The following PCDHA3 variants were observed in gnomAD, a reference collection of about 807,000 sequenced individuals.
PCDHA3 encodes the protein protocadherin alpha-3.
In PCDHA3, 41 loss-of-function variants were observed where a neutral mutation model predicts 62.2. The ratio of observed to expected loss-of-function variants is 0.66; its 90% CI spans 0.51 to 0.86. The LOEUF is 0.86. PCDHA3 is among the 40% of genes least tolerant of loss of function. PCDHA3 has a pLI of 0.00. For missense variants in PCDHA3, 1,304 were observed against 1,241.2 expected (o/e 1.05, Z -0.76); for synonymous variants, 640 against 555.4 (o/e 1.15, Z -2.14).
chr5:140,886,827 G>GAAAAAAAAA, intron 1 of PCDHA3, among the ~76,000 whole-genome samples: 1 of 60,890 alleles, frequency 1.6e-5, no homozygotes, highest in Non-Finnish European at 3.3e-5. Flanking sequence ...ACTTCGTCTT[G>GAAAAAAAAA]AAAAAAAAAA....
rs1554122598 is a variant in PCDHA3 at position 140,803,153 on chromosome 5, G to A, written c.1956G>A (p.Lys652=). 2 of 1,613,878 alleles carry A rather than the reference G, an allele frequency of 1.2e-6. No homozygotes were observed. Among genetic ancestry groups the A allele is most frequent in the East Asian group, 2.2e-5 (1 of 44,880 alleles). Residue 652 remains lysine (K), a synonymous_variant, in exon 1 of 4, where the codon AAG becomes AAA. Transcript: ENST00000522353. ...APRHRLLVLV[K]DHGEPSLTAT... ...GCCATCGCCTACTGGTGCTGGTGAA[G>A]GACCACGGTGAACCCTCATTGACCG...
chr5:140,874,141 T>C (rs1554167053), intron 1 of PCDHA3, among the ~76,000 whole-genome samples: 1 of 152,248 alleles, frequency 6.6e-6, no homozygotes, highest in South Asian at 2.1e-4. Context: ...TATCTTATAC[T>C]TGTAGAGCCA....
intron 1 of PCDHA3, chr5:140,827,893 C>G: frequency 1.4e-6 from 1 of 729,632 alleles, no homozygotes; most frequent in African/African-American, 1.8e-5. Context: ...GATTTCTTAC[C>G]TTTTGGAGCC....
intron 1 of PCDHA3, chr5:140,828,707 C>T: frequency 6.2e-7 from 1 of 1,614,222 alleles, no homozygotes; most frequent in South Asian, 1.1e-5. Context: ...AGAGGAAGCT[C>T]CTGCACACAA....
At chr5:140,935,894 CTTT>C (rs55841305) in intron 1 of PCDHA3, among the ~76,000 whole-genome samples, 2 of 136,728 alleles carry the variant, frequency 1.5e-5, no homozygotes, top group African/African-American at 2.7e-5. Context: ...TCAATATTAT[CTTT>C]TTTTTTTTTT....
intron 1 of PCDHA3, among the ~76,000 whole-genome samples, chr5:140,912,714 C>T (rs1312540155): frequency 6.6e-6 from 1 of 152,088 alleles, no homozygotes; most frequent in African/African-American, 2.4e-5. Context: ...CAACTTTTCT[C>T]CATTCAATAT....
At chr5:140,859,573 C>T (rs1254151950) in intron 1 of PCDHA3, 4 of 174,136 alleles carry the variant, frequency 2.3e-5, no homozygotes, top group African/African-American at 9.5e-5. Flanking sequence ...ATGAATTTGT[C>T]ATCTTGCCTA....
At chr5:140,858,132 A>G (rs781998170) in intron 1 of PCDHA3, 3 of 1,597,528 alleles carry the variant, frequency 1.9e-6, no homozygotes, top group Non-Finnish European at 2.6e-6. Context: ...GTGGATGTCA[A>G]CGTGTACCTG....
chr5:140,808,516 G>A, intron 1 of PCDHA3: 1 of 1,614,174 alleles, frequency 6.2e-7, no homozygotes, highest in South Asian at 1.1e-5. Context: ...GTGTTTCTGT[G>A]GAGGTGGCTG....
intron 1 of PCDHA3, chr5:140,926,516 G>C: frequency 5.0e-6 from 1 of 198,082 alleles, no homozygotes; most frequent in Non-Finnish European, 1.0e-5. Context: ...CCCAGGCTCC[G>C]CCCTGCGCCC....
rs782074820 is a variant in PCDHA3 at position 140,802,943 on chromosome 5, G to A, written c.1746G>A (p.Pro582=). The A allele has an allele frequency of 1.2e-6, 2 of 1,613,866 alleles. No homozygotes were observed. The highest frequency in any genetic ancestry group is 1.7e-6 in the Non-Finnish European group (2 of 1,179,882). Reference sequence around the variant, plus strand: ...GTGGCGCAGTGAGCGAGCTGGTGCCGCGGTCAGTGGGTGCGGGCCACGTGG... The same window carrying A: ...GTGGCGCAGTGAGCGAGCTGGTGCCACGGTCAGTGGGTGCGGGCCACGTGG... ...GIGGAVSELV[P]RSVGAGHVVA... Residue 582 remains proline, a synonymous_variant, in exon 1 of 4, where the codon CCG becomes CCA. Transcript: ENST00000522353.
At chr5:140,892,120 A>G (rs1242162429) in intron 1 of PCDHA3, among the ~76,000 whole-genome samples, 1 of 152,216 alleles carries the variant, frequency 6.6e-6, no homozygotes, top group Non-Finnish European at 1.5e-5. Context: ...TATATCTGGA[A>G]CACAATAAGC....
chr5:140,874,673 TG>T (rs1192690253), intron 1 of PCDHA3, among the ~76,000 whole-genome samples: 4 of 152,260 alleles, frequency 2.6e-5, no homozygotes, highest in African/African-American at 9.6e-5. Context: ...AATCTATTCC[TG>T]AGATTTGTTT....
At chr5:140,849,777 C>T (rs2150449616) in intron 1 of PCDHA3, 2 of 1,598,440 alleles carry the variant, frequency 1.3e-6, no homozygotes, top group Non-Finnish European at 1.7e-6. Flanking sequence ...GGTTACCGCG[C>T]GGGACGGGGG....
chr5:140,951,150 ATAGT>A (rs33995910), intron 1 of PCDHA3, among the ~76,000 whole-genome samples: 85,202 of 151,324 alleles, frequency 0.56, 24,547 homozygotes, highest in African/African-American at 0.69. Context: ...CTTATTGAAT[ATAGT>A]TATAGTAGCT....
At chr5:140,816,334 G>T (rs1055491269) in intron 1 of PCDHA3, 1 of 152,042 alleles carries the variant, frequency 6.6e-6, no homozygotes, top group African/African-American at 2.4e-5. Flanking sequence ...GTATTCTTCA[G>T]TTCCAAAATT....
chr5:140,841,326 A>G (rs2150313603), intron 1 of PCDHA3: 2 of 1,607,682 alleles, frequency 1.2e-6, no homozygotes, highest in South Asian at 2.2e-5. Flanking sequence ...TTTAACATGG[A>G]TTATCACTGG....
chr5:140,823,261 C>A, intron 1 of PCDHA3: 4 of 1,613,028 alleles, frequency 2.5e-6, no homozygotes, highest in Non-Finnish European at 3.4e-6. Context: ...GCTGGTGGAG[C>A]GGCGGGTGGG....
intron 3 of PCDHA3, among the ~76,000 whole-genome samples, chr5:140,989,984 C>T (rs907486922): frequency 3.3e-5 from 5 of 152,032 alleles, no homozygotes; most frequent in African/African-American, 1.2e-4. Context: ...ACAGCCCTGC[C>T]TGAAATTGTC....
Sources: gnomAD v4.1 joint callset for allele counts (sites outside exome capture counted in the v4.1 genomes callset) on GRCh38, gnomAD v4.1.1 for gene constraint, MANE v1.5 for transcripts, NCBI Gene and HGNC (gene_info 2026-07-23, HGNC 2026-07-21) for gene names.